WDR33: variants seen among roughly 807,000 people sequenced by gnomAD.
WDR33 encodes the protein WD repeat domain 33.
Under a neutral mutation model 164.9 loss-of-function variants are expected in WDR33, and 47 were observed. That is an observed-to-expected ratio of 0.29 (90% confidence interval 0.23 to 0.36). WDR33 has a LOEUF of 0.36. Among genes scored for constraint, WDR33 ranks in the 10% least tolerant of loss-of-function variants. The pLI is 1.00. For missense variants in WDR33, 1,137 were observed against 1,754.1 expected, an observed-to-expected ratio of 0.65 and a Z score of 6.28; for synonymous variants, 505 against 589.0, an observed-to-expected ratio of 0.86 and a Z score of 2.06.
In WDR33 at chr2:127,764,849, T is replaced by G; in HGVS notation, c.605A>C (p.Lys202Thr). ...MNNVKMFQAH[K>T]EAIREASFSP... is the part of the protein sequence containing the mutation. ...AAACCTGGCCTCTCTAATCGCCTCCTTATGTGCCTGGAACATCTTGACGTT... is the reference window on the plus strand; with the variant it reads ...AAACCTGGCCTCTCTAATCGCCTCCGTATGTGCCTGGAACATCTTGACGTT... The change falls in exon 6 of 22, where the codon AAG (lysine) becomes ACG (threonine). Residue 202 changes from lysine to threonine, a missense_variant. By Grantham distance (78) the Lys-to-Thr change is moderately conservative. Coordinates refer to ENST00000322313, the MANE Select transcript of WDR33 (RefSeq NM_018383.5). The surrounding 1 kb of genome is among the most constrained non-coding windows in gnomAD (Gnocchi z 6.2). 1 of 1,614,210 alleles carries G rather than the reference T, an allele frequency of 6.2e-7. No individual in the cohort carries two copies. The highest frequency in any genetic ancestry group is 8.5e-7 in the Non-Finnish European group (1 of 1,180,030).
rs370134275 is a variant in WDR33 at position 127,706,300 on chromosome 2, C to A, written c.*23G>T. On this transcript the variant is annotated 3_prime_UTR_variant, in exon 22 of 22. Coordinates refer to ENST00000322313, the MANE Select transcript of WDR33 (RefSeq NM_018383.5). This position sits in a 1 kb window ranked among gnomAD's most constrained non-coding sequence, Gnocchi z 5.1. Reference sequence around the variant, plus strand: ...GTTCTTACATACTGTCCAGAGAGGCCTCAGGGTACTCAGTTCCAGCTTCTA... The same window carrying A: ...GTTCTTACATACTGTCCAGAGAGGCATCAGGGTACTCAGTTCCAGCTTCTA... 1.3e-6 allele frequency: 2 copies of A among 1,527,358 alleles called. No homozygotes were observed. The highest frequency in any genetic ancestry group is 8.8e-7 in the Non-Finnish European group (1 of 1,140,448). 94.6% of individuals were successfully genotyped at this position (1,527,358 alleles called of 1,614,324 possible). A position where few individuals can be genotyped will look rare whatever the true frequency, so the allele number is the denominator to read the frequency against.
In WDR33 at chr2:127,764,833, C is replaced by T. The variant is rs1687777567; in HGVS notation, c.621G>A (p.Glu207=). Residue 207 remains glutamate (E), a synonymous_variant, in exon 6 of 22, where the codon GAG becomes GAA. Transcript: ENST00000322313. This position sits in a 1 kb window ranked among gnomAD's most constrained non-coding sequence, Gnocchi z 6.2. ...ATGGTATATTGTGTATAAACCTGGCCTCTCTAATCGCCTCCTTATGTGCCT... is the reference window on the plus strand; with the variant it reads ...ATGGTATATTGTGTATAAACCTGGCTTCTCTAATCGCCTCCTTATGTGCCT... ...MFQAHKEAIR[E]ASFSPTDNKF... 1.2e-6 allele frequency: 2 copies of T among 1,614,180 alleles called. No homozygotes were observed. The highest frequency in any genetic ancestry group is 1.7e-6 in the Non-Finnish European group (2 of 1,180,032).
chr2:127,797,022 C>T (rs758012723), intron 1 of WDR33, among the ~76,000 whole-genome samples: 44 of 152,022 alleles, frequency 2.9e-4, no homozygotes, highest in Non-Finnish European at 5.1e-4. Context: ...CAGTGCACCA[C>T]CAGTCATTCC....
chr2:127,757,536 A>G (rs1687553935), intron 7 of WDR33, among the ~76,000 whole-genome samples: 1 of 152,208 alleles, frequency 6.6e-6, no homozygotes, highest in Non-Finnish European at 1.5e-5. Context: ...AGCTAGCTGT[A>G]GTAAAATGGG....
chr2:127,779,265 C>G (rs1006046384), intron 1 of WDR33, among the ~76,000 whole-genome samples: 1 of 151,586 alleles, frequency 6.6e-6, no homozygotes, highest in Admixed American at 6.6e-5. Context: ...GTCAGGAGTT[C>G]GAGACGAGCC....
intron 1 of WDR33, among the ~76,000 whole-genome samples, chr2:127,775,502 T>A (rs1688157983): frequency 1.3e-5 from 2 of 152,130 alleles, no homozygotes; most frequent in Admixed American, 6.6e-5. Context: ...TGCAAAAAAA[T>A]TTTTAAGGGA....
Position 127,714,135 on chromosome 2 carries a change from T to A in WDR33, c.2870-114A>T. On this transcript the variant is annotated intron_variant, in intron 17 of 21. Coordinates refer to ENST00000322313, the MANE Select transcript of WDR33 (RefSeq NM_018383.5). The surrounding 1 kb of genome is among the most constrained non-coding windows in gnomAD (Gnocchi z 4.3). The stretch of plus-strand genomic sequence containing the variant: ...CATTCTTTATTGAGAATGTTTTCCC[T>A]CCTTGGTTCTCAGCTTAGTTAGGAG... 1 of 1,203,934 alleles carries A rather than the reference T, an allele frequency of 8.3e-7. No homozygotes were observed. The highest frequency in any genetic ancestry group is 1.1e-6 in the Non-Finnish European group (1 of 908,064). 74.6% of individuals were successfully genotyped at this position (1,203,934 alleles called of 1,614,324 possible).
At chr2:127,749,015 A>G (rs901166007) in intron 7 of WDR33, among the ~76,000 whole-genome samples, 2 of 152,182 alleles carry the variant, frequency 1.3e-5, no homozygotes, top group South Asian at 2.1e-4. Context: ...TAAAATTTCT[A>G]TAAGTATTAA....
At chr2:127,782,641 A>G (rs1377964613) in intron 1 of WDR33, among the ~76,000 whole-genome samples, 1 of 152,232 alleles carries the variant, frequency 6.6e-6, no homozygotes, top group Non-Finnish European at 1.5e-5. Flanking sequence ...CATCTGTACT[A>G]AACAATATAG....
At chr2:127,736,681 C>A in intron 7 of WDR33, 2 of 985,436 alleles carry the variant, frequency 2.0e-6, no homozygotes, top group Non-Finnish European at 2.4e-6. Context: ...GCATACAACT[C>A]ATAAAATTAG....
chr2:127,793,417 C>A (rs962700719), intron 1 of WDR33, among the ~76,000 whole-genome samples: 1 of 151,094 alleles, frequency 6.6e-6, no homozygotes, highest in African/African-American at 2.4e-5. Flanking sequence ...GGCAACAGAG[C>A]AAGACTCTGT....
intron 1 of WDR33, among the ~76,000 whole-genome samples, chr2:127,785,855 CATG>C (rs891065157): frequency 5.3e-5 from 8 of 152,172 alleles, no homozygotes; most frequent in African/African-American, 1.9e-4. Flanking sequence ...TGCTAGATCA[CATG>C]ATAAGGGTAT....
chr2:127,790,052 G>A (rs1688792124), intron 1 of WDR33, among the ~76,000 whole-genome samples: 1 of 151,988 alleles, frequency 6.6e-6, no homozygotes, highest in Non-Finnish European at 1.5e-5. Context: ...GCCCTGGCTG[G>A]TCTCCATCTC....
At chr2:127,731,878 G>A (rs916006170) in intron 7 of WDR33, among the ~76,000 whole-genome samples, 10 of 152,082 alleles carry the variant, frequency 6.6e-5, no homozygotes, top group Admixed American at 4.6e-4. Context: ...TTGAGTCCAG[G>A]AGGTAGAGAT....
At position 127,702,110 on chromosome 2, in the gene WDR33, C is replaced by T; in HGVS notation, c.*4213G>A. 1 of 1,216,404 alleles carries T rather than the reference C, an allele frequency of 8.2e-7. No homozygotes were observed. Among genetic ancestry groups the T allele is most frequent in the Non-Finnish European group, 1.0e-6 (1 of 980,044 alleles). The allele number at this position is 1,216,404 out of a possible 1,614,324, so 75.4% of individuals were successfully genotyped here. A position where few individuals can be genotyped will look rare whatever the true frequency, so the allele number is the denominator to read the frequency against. On this transcript the variant is annotated 3_prime_UTR_variant, in exon 22 of 22. Coordinates refer to ENST00000322313, the MANE Select transcript of WDR33 (RefSeq NM_018383.5). ...GGCTGCTGCCCTGGGGCGGCGGCACCGCGCTGCGCCTCGCACTGGGTCGCC... is the reference window on the plus strand; with the variant it reads ...GGCTGCTGCCCTGGGGCGGCGGCACTGCGCTGCGCCTCGCACTGGGTCGCC...
At chr2:127,809,803 G>T (rs1018307802) in intron 1 of WDR33, among the ~76,000 whole-genome samples, 1 of 151,958 alleles carries the variant, frequency 6.6e-6, no homozygotes, top group African/African-American at 2.4e-5. Context: ...TTCTCCCCAA[G>T]TTTCAAGAAG....
intron 7 of WDR33, among the ~76,000 whole-genome samples, chr2:127,760,199 A>C (rs1165566998): frequency 1.3e-5 from 2 of 152,232 alleles, no homozygotes; most frequent in Non-Finnish European, 2.9e-5. Context: ...GGAATGTTGT[A>C]GAAAAGTATT....
At position 127,716,557 on chromosome 2, in the gene WDR33, G is replaced by A. The variant is rs1686307013; in HGVS notation, c.2869+598C>T. Among the ~76,000 whole-genome samples, 1 of 152,162 alleles carries A rather than the reference G, an allele frequency of 6.6e-6. No homozygotes were observed. The highest frequency in any genetic ancestry group is 1.5e-5 in the Non-Finnish European group (1 of 68,028). On this transcript the variant is annotated intron_variant, in intron 17 of 21. Coordinates refer to ENST00000322313, the MANE Select transcript of WDR33 (RefSeq NM_018383.5). The surrounding 1 kb of genome is among the most constrained non-coding windows in gnomAD (Gnocchi z 4.5). ...GACAGGGGGGTCCCACCCATCTCAG[G>A]GGCCATGGTGCCCTGCGTGCTCTCC...
intron 1 of WDR33, among the ~76,000 whole-genome samples, chr2:127,786,016 G>C (rs1688552484): frequency 6.6e-6 from 1 of 152,156 alleles, no homozygotes; most frequent in African/African-American, 2.4e-5. Context: ...ATTCTAAAAG[G>C]TCTGTAGTAT....
Sources: allele counts gnomAD v4.1 joint callset (sites outside exome capture counted in the v4.1 genomes callset), GRCh38; gene constraint gnomAD v4.1.1; non-coding constraint Gnocchi (gnomAD v3.1); transcripts MANE v1.5; gene names NCBI Gene and HGNC (gene_info 2026-07-23, HGNC 2026-07-21).